Variants in STAU2 observed in about 807,000 individuals in gnomAD.
STAU2 encodes staufen double-stranded RNA binding protein 2.
STAU2 carries 20 observed loss-of-function variants against 65.9 expected under a neutral mutation model. That is an observed-to-expected ratio of 0.30 (90% CI 0.21 to 0.44). The LOEUF is 0.44. STAU2 is among the 20% of genes least tolerant of loss of function. STAU2 has a pLI of 1.00. For missense variants in STAU2, 558 were observed against 683.9 expected, an observed-to-expected ratio of 0.82 and a Z score of 2.05; for synonymous variants, 232 against 233.9, an observed-to-expected ratio of 0.99 and a Z score of 0.07.
intron 14 of STAU2, 30 bp downstream of exon 14, chr8:73,422,584 T>G (rs1209801957): frequency 6.8e-7 from 1 of 1,466,650 alleles, no homozygotes. Flanking sequence ...CAATTAAAAG[T>G]GTAAGAATAC....
At chr8:73,484,274 C>T (rs921088772) in intron 13 of STAU2, among the ~76,000 whole-genome samples, 3 of 152,110 alleles carry the variant, frequency 2.0e-5, no homozygotes, top group Non-Finnish European at 4.4e-5. Flanking sequence ...AGACAGTGTT[C>T]TGAGGCTGCT....
chr8:73,700,794 C>CA (rs1820043131), intron 4 of STAU2, among the ~76,000 whole-genome samples: 1 of 152,006 alleles, frequency 6.6e-6, no homozygotes, highest in African/African-American at 2.4e-5. Context: ...TATGGAATCA[C>CA]AAAAGAACCA....
intron 3 of STAU2, among the ~76,000 whole-genome samples, chr8:73,730,971 G>A (rs1032585138): frequency 2.0e-5 from 3 of 152,066 alleles, no homozygotes; most frequent in Non-Finnish European, 2.9e-5. Flanking sequence ...CCTCTAAATA[G>A]TGTTCTGGTG....
chr8:73,714,986 CG>C (rs1821145075), intron 3 of STAU2, among the ~76,000 whole-genome samples: 1 of 150,114 alleles, frequency 6.7e-6, no homozygotes, highest in Non-Finnish European at 1.5e-5. Context: ...GAGGCTGAGG[CG>C]AGAGAATCAC....
At chr8:73,623,729 T>G (rs544962689) in intron 6 of STAU2, among the ~76,000 whole-genome samples, 2 of 152,326 alleles carry the variant, frequency 1.3e-5, no homozygotes, top group South Asian at 2.1e-4. Context: ...TTTTTCTTGC[T>G]GTAGAAAAAC....
intron 6 of STAU2, chr8:73,652,282 C>T (rs559832748): frequency 1.5e-4 from 23 of 152,212 alleles, no homozygotes; most frequent in African/African-American, 5.3e-4. Context: ...AAATGTTTCA[C>T]TTTTTAATTT....
At chr8:73,443,002 C>T (rs1257108111) in intron 13 of STAU2, among the ~76,000 whole-genome samples, 1 of 152,194 alleles carries the variant, frequency 6.6e-6, no homozygotes, top group Non-Finnish European at 1.5e-5. Context: ...AAATGTAACA[C>T]AAAGCATTCC....
At chr8:73,706,093 T>C (rs1180858294) in intron 4 of STAU2, among the ~76,000 whole-genome samples, 5 of 152,046 alleles carry the variant, frequency 3.3e-5, no homozygotes, top group Non-Finnish European at 5.9e-5. Context: ...TGTGTGTGAA[T>C]TGCCATATAA....
At chr8:73,694,869 G>A (rs933473632) in intron 4 of STAU2, among the ~76,000 whole-genome samples, 2 of 152,206 alleles carry the variant, frequency 1.3e-5, no homozygotes, top group African/African-American at 4.8e-5. Context: ...CAATGAAAAT[G>A]TGCTGGACTC....
chr8:73,472,625 G>T (rs1160150102), intron 13 of STAU2, among the ~76,000 whole-genome samples: 1 of 151,776 alleles, frequency 6.6e-6, no homozygotes, highest in Admixed American at 6.6e-5. Flanking sequence ...ACATGCCAAA[G>T]AAATTTTTTT....
intron 13 of STAU2, chr8:73,439,244 C>A (rs751524863): frequency 2.9e-6 from 1 of 348,910 alleles, no homozygotes; most frequent in Non-Finnish European, 5.6e-6. Context: ...TGCTCCAGCA[C>A]CCGCATTGCA....
intron 12 of STAU2, among the ~76,000 whole-genome samples, chr8:73,565,307 C>CTT (rs962897508): frequency 6.6e-6 from 1 of 151,990 alleles, no homozygotes; most frequent in African/African-American, 2.4e-5. Flanking sequence ...TGCTTGCTCT[C>CTT]TCTCTCCTGC....
chr8:73,561,790 A>G (rs1482261053), intron 12 of STAU2, among the ~76,000 whole-genome samples: 5 of 152,346 alleles, frequency 3.3e-5, no homozygotes, highest in Admixed American at 6.5e-5. Context: ...TCCTTACTAG[A>G]TATCAGGCTT....
intron 3 of STAU2, among the ~76,000 whole-genome samples, chr8:73,728,943 A>G (rs1805845085): frequency 6.6e-6 from 1 of 152,140 alleles, no homozygotes; most frequent in South Asian, 2.1e-4. Context: ...TCTGGCTATA[A>G]CTTCCACTAC....
intron 13 of STAU2, among the ~76,000 whole-genome samples, chr8:73,532,368 A>C (rs1425335624): frequency 6.6e-6 from 1 of 152,154 alleles, no homozygotes; most frequent in East Asian, 1.9e-4. Flanking sequence ...TCCCCTTTTT[A>C]GGCCTTTCCT....
rs1400757939 is a variant in STAU2 at position 73,603,710 on chromosome 8, AAAAGGTTAG to A, written c.1029+7_1029+15del. On this transcript the variant is annotated splice_region_variant and intron_variant, in intron 10 of 14. Transcript: ENST00000524300. ...ATTTCTAAATCTTTTCAATAGTTTTAAAAGGTTAGAAATACCTGCATCACAAATTCTCGA... is the reference window on the plus strand; with the variant it reads ...ATTTCTAAATCTTTTCAATAGTTTTAAAATACCTGCATCACAAATTCTCGA... 1 of 1,605,956 alleles carries A rather than the reference AAAAGGTTAG, an allele frequency of 6.2e-7. No individual in the cohort carries two copies.
At chr8:73,466,808 C>T (rs1040187595) in intron 13 of STAU2, among the ~76,000 whole-genome samples, 1 of 152,214 alleles carries the variant, frequency 6.6e-6, no homozygotes, top group African/African-American at 2.4e-5. Context: ...TATTGAGCAC[C>T]TCTCTGGGTG....
At chr8:73,542,977 A>G (rs1044174906) in intron 13 of STAU2, among the ~76,000 whole-genome samples, 1 of 152,226 alleles carries the variant, frequency 6.6e-6, no homozygotes, top group African/African-American at 2.4e-5. Context: ...AATATTGTAA[A>G]TCAATGTTCA....
intron 6 of STAU2, among the ~76,000 whole-genome samples, chr8:73,670,985 G>A (rs151277970): frequency 0.013 from 1,948 of 152,132 alleles, 45 homozygotes; most frequent in African/African-American, 0.044. Context: ...TAGACTGAAG[G>A]TTAACATCCT....
Sources: allele counts gnomAD v4.1 joint callset (sites outside exome capture counted in the v4.1 genomes callset), GRCh38; gene constraint gnomAD v4.1.1; transcripts MANE v1.5; gene names NCBI Gene and HGNC (gene_info 2026-07-23, HGNC 2026-07-21).